The following PGM5 variants were observed in gnomAD, a reference collection of about 807,000 sequenced individuals.
The protein encoded by PGM5 is phosphoglucomutase 5.
In PGM5, 23 loss-of-function variants were observed where a neutral mutation model predicts 59.2. The observed-to-expected ratio is 0.39, with a 90% CI of 0.28 to 0.55. The LOEUF (loss-of-function observed/expected upper bound fraction) is 0.55. PGM5 is among the 20% of genes least tolerant of loss of function. The pLI, the probability that PGM5 is intolerant of heterozygous loss-of-function variation, is 0.66. For synonymous variants in PGM5, 214 were observed against 286.0 expected (o/e 0.75, Z 2.54); for missense variants, 574 against 748.3 (o/e 0.77, Z 2.72).
At chr9:68,455,901 A>C (rs1003829454) in intron 6 of PGM5, among the ~76,000 whole-genome samples, 10 of 152,266 alleles carry the variant, frequency 6.6e-5, no homozygotes, top group Non-Finnish European at 8.8e-5. Context: ...ACAAAAGAAC[A>C]TACAATTTCT....
At chr9:68,448,953 G>C (rs535028878) in intron 6 of PGM5, among the ~76,000 whole-genome samples, 15 of 152,204 alleles carry the variant, frequency 9.9e-5, no homozygotes, top group Non-Finnish European at 1.5e-4. Flanking sequence ...AATTACCATA[G>C]ACTGAGTGGC....
chr9:68,406,720 A>ATG lies in PGM5; in HGVS notation c.1043+14248_1043+14249insGT, dbSNP rs1563996765. Among the ~76,000 whole-genome samples the ATG allele has an allele frequency of 7.1e-3, 544 of 76,552 alleles. 148 individuals carry two copies. The highest frequency in any genetic ancestry group is 0.01 in the Non-Finnish European group (413 of 39,528). 50.2% of individuals were successfully genotyped at this position (76,552 alleles called of 152,430 possible). On this transcript the variant is annotated intron_variant, in intron 6 of 10. Coordinates refer to ENST00000396396, the MANE Select transcript of PGM5 (RefSeq NM_021965.4). ...TATATATATATATATATATATATAT[A>ATG]TATATGTATATAGTGCTTACAGCAG... is the stretch of plus-strand genomic sequence containing the variant.
chr9:68,518,844 G>T (rs192828189), intron 10 of PGM5, among the ~76,000 whole-genome samples: 71 of 152,316 alleles, frequency 4.7e-4, no homozygotes, highest in Non-Finnish European at 8.2e-4. Flanking sequence ...AGTCTCAAAA[G>T]AGGAGACAGA....
intron 9 of PGM5, among the ~76,000 whole-genome samples, chr9:68,494,888 A>G (rs546488772): frequency 1.1e-4 from 17 of 152,346 alleles, no homozygotes; most frequent in African/African-American, 4.1e-4. Flanking sequence ...ATGTGTTTTC[A>G]TGTAGCCTGT....
intron 10 of PGM5, among the ~76,000 whole-genome samples, chr9:68,507,419 C>T (rs1268532103): frequency 6.6e-6 from 1 of 152,150 alleles, no homozygotes; most frequent in East Asian, 1.9e-4. Flanking sequence ...AACAATTTCT[C>T]AACTGTCAAG....
rs544128656 is a variant in PGM5, at chr9:68,409,176, T to C, written c.1043+16703T>C. Among the ~76,000 whole-genome samples, 845 of 150,244 alleles carry C rather than the reference T, an allele frequency of 5.6e-3. 5 individuals carry two copies. The highest frequency in any genetic ancestry group is 0.024 in the Middle Eastern group (7 of 292). On this transcript the variant is annotated intron_variant, in intron 6 of 10. Transcript: ENST00000396396. ...AATGCAAATCAAAACCACAATGAGA[T>C]ACCATCTCACACCAGTTAGAATGGC...
chr9:68,409,610 T>C (rs1822885633), intron 6 of PGM5, among the ~76,000 whole-genome samples: 1 of 46,650 alleles, frequency 2.1e-5, no homozygotes, highest in African/African-American at 6.2e-5. Flanking sequence ...TCATTCTCAG[T>C]AAACTATCGC....
chr9:68,490,201 T>C (rs1824366973), intron 9 of PGM5, among the ~76,000 whole-genome samples: 1 of 152,202 alleles, frequency 6.6e-6, no homozygotes, highest in African/African-American at 2.4e-5. Flanking sequence ...ATGAAGCAGC[T>C]CACTAAGGTG....
intron 6 of PGM5, 45 bp downstream of exon 6, chr9:68,392,518 G>A (rs1223719527): frequency 3.7e-6 from 6 of 1,600,326 alleles, no homozygotes; most frequent in Non-Finnish European, 4.3e-6. Context: ...TAGACCTTTG[G>A]CGTTGATGTC....
intron 2 of PGM5, among the ~76,000 whole-genome samples, chr9:68,383,363 A>G (rs1822126331): frequency 6.6e-6 from 1 of 152,156 alleles, no homozygotes; most frequent in Non-Finnish European, 1.5e-5. Flanking sequence ...AAATATTATT[A>G]TACCATGTCA....
intron 7 of PGM5, chr9:68,466,038 A>G: frequency 1.4e-6 from 1 of 708,006 alleles, no homozygotes; most frequent in South Asian, 1.8e-5. Context: ...CTCCTTCCCC[A>G]TTCTTTGTCT....
chr9:68,496,113 T>C (rs1343522516), intron 9 of PGM5, among the ~76,000 whole-genome samples: 1 of 152,238 alleles, frequency 6.6e-6, no homozygotes, highest in Non-Finnish European at 1.5e-5. Context: ...ACCCCTAGTA[T>C]AACCTAAAAA....
At chr9:68,518,438 A>G (rs921374987) in intron 10 of PGM5, among the ~76,000 whole-genome samples, 3 of 152,226 alleles carry the variant, frequency 2.0e-5, no homozygotes, top group Non-Finnish European at 4.4e-5. Context: ...ACAACATACC[A>G]CAGAAAAAGA....
intron 6 of PGM5, among the ~76,000 whole-genome samples, chr9:68,434,618 A>T (rs1823415572): frequency 6.6e-6 from 1 of 152,028 alleles, no homozygotes; most frequent in African/African-American, 2.4e-5. Context: ...ACCAGCCTGG[A>T]CAACATGACA....
At position 68,357,628 on chromosome 9, in the gene PGM5, C is replaced by G. The variant is rs558603986; in HGVS notation, c.261+240C>G. On this transcript the variant is annotated intron_variant, in intron 1 of 10. Transcript: ENST00000396396. The stretch of plus-strand genomic sequence containing the variant: ...CGCCCCCAAAAGCCTTGAGGGGTTT[C>G]CGTCGTTCCTGGAGCCACTCCGGGC... The G allele has an allele frequency of 2.8e-3, 1,758 of 623,276 alleles. 13 individuals are homozygous for G. The African/African-American group carries it at 0.03, about 11-fold the overall frequency. 38.6% of individuals were successfully genotyped at this position (623,276 alleles called of 1,614,324 possible).
intron 6 of PGM5, among the ~76,000 whole-genome samples, chr9:68,412,329 T>C (rs1431375040): frequency 6.6e-6 from 1 of 152,254 alleles, no homozygotes; most frequent in East Asian, 1.9e-4. Context: ...AACATAACAT[T>C]ACTGGCAGCT....
At chr9:68,363,700 G>C (rs1310099659) in intron 1 of PGM5, among the ~76,000 whole-genome samples, 4 of 152,310 alleles carry the variant, frequency 2.6e-5, no homozygotes, top group Non-Finnish European at 5.9e-5. Flanking sequence ...GACCAAAAGA[G>C]TCAAAGTCCA....
chr9:68,360,262 A>G (rs572907719), intron 1 of PGM5, among the ~76,000 whole-genome samples: 2 of 152,172 alleles, frequency 1.3e-5, no homozygotes, highest in South Asian at 4.1e-4. Context: ...AGTTTGAAAT[A>G]GACATTTCAA....
At chr9:68,500,010 A>T (rs1028658015) in intron 10 of PGM5, among the ~76,000 whole-genome samples, 6 of 152,088 alleles carry the variant, frequency 3.9e-5, no homozygotes, top group African/African-American at 1.4e-4. Context: ...TAATACCAGA[A>T]ATGACTCACT....
Sources: allele counts gnomAD v4.1 joint callset (sites outside exome capture counted in the v4.1 genomes callset), GRCh38; gene constraint gnomAD v4.1.1; transcripts MANE v1.5; gene names NCBI Gene and HGNC (gene_info 2026-07-23, HGNC 2026-07-21).